The following MTA3 variants were observed in gnomAD, a reference collection of about 807,000 sequenced individuals.
MTA3 encodes the protein metastasis associated 1 family member 3.
MTA3 carries 34 observed loss-of-function variants against 83.5 expected under a neutral mutation model. That is an observed-to-expected ratio of 0.41 (90% CI 0.31 to 0.54). MTA3 has a LOEUF of 0.54. Ranked by LOEUF, MTA3 falls within the 20% of genes least tolerant of loss-of-function variation. The pLI is 0.33. For synonymous variants in MTA3, 303 were observed against 252.7 expected (o/e 1.20, Z -1.89); for missense variants, 761 against 726.4 (o/e 1.05, Z -0.55).
intron 12 of MTA3, among the ~76,000 whole-genome samples, chr2:42,707,565 A>G (rs1228315007): frequency 1.3e-5 from 2 of 152,150 alleles, no homozygotes; most frequent in African/African-American, 2.4e-5. Flanking sequence ...TTTAAATACT[A>G]CCATCTTTTT....
At chr2:42,531,842 C>G (rs1177751432) in intron 2 of MTA3, among the ~76,000 whole-genome samples, 1 of 149,278 alleles carries the variant, frequency 6.7e-6, no homozygotes, top group Non-Finnish European at 1.5e-5. Context: ...CTGCAAGCTC[C>G]GCCTCCTGGG....
At chr2:42,652,184 C>T (rs1264206463) in intron 6 of MTA3, among the ~76,000 whole-genome samples, 1 of 152,118 alleles carries the variant, frequency 6.6e-6, no homozygotes, top group East Asian at 1.9e-4. Flanking sequence ...CGTGGATGAA[C>T]CTTCGAGGTA....
chr2:42,556,677 AG>A (rs1210265179), intron 2 of MTA3, among the ~76,000 whole-genome samples: 1 of 152,180 alleles, frequency 6.6e-6, no homozygotes, highest in African/African-American at 2.4e-5. Flanking sequence ...TCAGCCAGAA[AG>A]CCACTCCTGG....
intron 4 of MTA3, among the ~76,000 whole-genome samples, chr2:42,627,790 C>G (rs1240002481): frequency 1.4e-5 from 2 of 139,120 alleles, no homozygotes; most frequent in African/African-American, 2.7e-5. Context: ...GTTGGTCAGA[C>G]TGGTCTCAAA....
At chr2:42,582,881 AT>A in intron 3 of MTA3, among the ~76,000 whole-genome samples, 1 of 152,028 alleles carries the variant, frequency 6.6e-6, no homozygotes, top group Admixed American at 6.6e-5. Flanking sequence ...TTTTTCTTTC[AT>A]TTTTTTCCCC....
chr2:42,586,109 G>A (rs1219386310), intron 3 of MTA3, among the ~76,000 whole-genome samples: 1 of 151,650 alleles, frequency 6.6e-6, no homozygotes, highest in African/African-American at 2.4e-5. Context: ...GAAACCCTTT[G>A]TCTACTAAGA....
chr2:42,681,036 G>A (rs1459206852), intron 8 of MTA3, among the ~76,000 whole-genome samples: 1 of 152,102 alleles, frequency 6.6e-6, no homozygotes, highest in Non-Finnish European at 1.5e-5. Context: ...CACTGTGTCT[G>A]GCCAGAAAAT....
Position 42,584,290 on chromosome 2 carries a change from C to T in MTA3, c.190+5090C>T, listed in dbSNP as rs185372830. 2.3e-3 allele frequency among the ~76,000 whole-genome samples: 353 copies of T among 152,236 alleles called. 2 individuals carry two copies. The highest frequency in any genetic ancestry group is 8.0e-3 in the African/African-American group (334 of 41,536). Reference sequence around the variant, plus strand: ...ACTGTGATTCATCTAGACCTCTACTCGCTAGCCCATTATTTTGAAGCACGT... The same window carrying T: ...ACTGTGATTCATCTAGACCTCTACTTGCTAGCCCATTATTTTGAAGCACGT... On this transcript the variant is annotated intron_variant, in intron 3 of 16. Transcript: ENST00000405094.
At chr2:42,723,519 G>A (rs563415834) in intron 16 of MTA3, among the ~76,000 whole-genome samples, 14 of 152,192 alleles carry the variant, frequency 9.2e-5, no homozygotes, top group African/African-American at 3.1e-4. Context: ...GAATTGCCTG[G>A]GTGATGTCCT....
At chr2:42,494,422 C>T (rs1229868712), upstream of MTA3, 1 of 152,328 alleles carries the variant, frequency 6.6e-6, no homozygotes, top group Non-Finnish European at 1.5e-5. Context: ...TGTCCGGAGC[C>T]CAGCTCGGGT....
At chr2:42,557,552 A>G (rs1677455947) in intron 2 of MTA3, among the ~76,000 whole-genome samples, 1 of 152,230 alleles carries the variant, frequency 6.6e-6, no homozygotes, top group African/African-American at 2.4e-5. Flanking sequence ...GAAACATTGC[A>G]TTAGTTGCCA....
intron 2 of MTA3, among the ~76,000 whole-genome samples, chr2:42,555,859 G>C (rs892753408): frequency 1.5e-4 from 23 of 152,020 alleles, no homozygotes; most frequent in African/African-American, 4.6e-4. Context: ...ATCACCTGAG[G>C]TCAGGAGTTC....
intron 4 of MTA3, among the ~76,000 whole-genome samples, chr2:42,615,379 C>A (rs2104135559): frequency 6.7e-6 from 1 of 149,768 alleles, no homozygotes; most frequent in Admixed American, 6.7e-5. Context: ...TTGATGGATT[C>A]TCGCTCTGTC....
intron 16 of MTA3, among the ~76,000 whole-genome samples, chr2:42,729,381 G>A (rs941827861): frequency 6.6e-6 from 1 of 152,056 alleles, no homozygotes; most frequent in Non-Finnish European, 1.5e-5. Context: ...GATTACAGGC[G>A]TGAGCCACTG....
intron 3 of MTA3, among the ~76,000 whole-genome samples, chr2:42,585,513 C>A (rs1265307547): frequency 7.2e-6 from 1 of 138,862 alleles, no homozygotes; most frequent in African/African-American, 2.7e-5. Context: ...CTCACTCTGT[C>A]GCCCAGGCCG....
chr2:42,692,787 T>C (rs1165394765), intron 9 of MTA3, among the ~76,000 whole-genome samples: 2 of 152,240 alleles, frequency 1.3e-5, no homozygotes, highest in African/African-American at 4.8e-5. Flanking sequence ...CATTGGTCCC[T>C]CCTGACTTAC....
intron 5 of MTA3, among the ~76,000 whole-genome samples, chr2:42,642,144 TTTCTTC>T (rs1201437469): frequency 2.0e-5 from 3 of 152,178 alleles, no homozygotes; most frequent in African/African-American, 7.2e-5. Context: ...TCTGGAACCT[TTTCTTC>T]TTCTTTTTTA....
At chr2:42,527,052 CAAAAAAAAAAAAAAAAA>C (rs34030475) in intron 2 of MTA3, among the ~76,000 whole-genome samples, 1 of 45,334 alleles carries the variant, frequency 2.2e-5, no homozygotes, top group Non-Finnish European at 4.0e-5. Context: ...GACTCTGTCT[CAAAAAAAAAAAAAAAAA>C]AAAAAAAAGA....
chr2:42,607,926 G>T (rs1683691420), intron 3 of MTA3, among the ~76,000 whole-genome samples: 1 of 152,184 alleles, frequency 6.6e-6, no homozygotes, highest in African/African-American at 2.4e-5. Flanking sequence ...ACTCTAGCCT[G>T]GGTGACAGAG....
Sources: gnomAD v4.1 joint callset for allele counts (sites outside exome capture counted in the v4.1 genomes callset) on GRCh38, gnomAD v4.1.1 for gene constraint, MANE v1.5 for transcripts, NCBI Gene and HGNC (gene_info 2026-07-23, HGNC 2026-07-21) for gene names.